Variants in ACTR3C observed in about 807,000 individuals in gnomAD.
The protein encoded by ACTR3C is actin related protein 3C.
Under a neutral mutation model 26.3 loss-of-function variants are expected in ACTR3C, and 18 were observed. The observed-to-expected ratio is 0.68, with a 90% CI of 0.47 to 1.01. The LOEUF (loss-of-function observed/expected upper bound fraction) is 1.01, where lower values mean the gene tolerates loss of function less well. ACTR3C is among the 50% of genes least tolerant of loss of function. The probability of loss-of-function intolerance (pLI) is 0.00; values close to 1 mark genes in which losing one functional copy is unlikely to be tolerated. For missense variants in ACTR3C, 184 were observed against 250.7 expected (o/e 0.73, Z 1.80); for synonymous variants, 55 against 94.5 (o/e 0.58, Z 2.42).
At chr7:150,237,658 C>A in the ACTR3C span, among the ~76,000 whole-genome samples, 1 of 152,158 alleles carries the variant, frequency 6.6e-6, no homozygotes, top group Admixed American at 6.5e-5. Context: ...GAATCCACGG[C>A]AGCATTTGCG....
the ACTR3C span, among the ~76,000 whole-genome samples, chr7:150,023,132 T>G: frequency 1.4e-5 from 2 of 143,640 alleles, no homozygotes; most frequent in African/African-American, 5.1e-5. Context: ...CATATCTATA[T>G]ACATATATAT....
chr7:150,070,022 C>T, the ACTR3C span, among the ~76,000 whole-genome samples: 1 of 152,176 alleles, frequency 6.6e-6, no homozygotes, highest in Admixed American at 6.5e-5. Flanking sequence ...TGGACGCCTT[C>T]CCAAGAACTG....
At chr7:150,190,917 T>G in the ACTR3C span, among the ~76,000 whole-genome samples, 1 of 152,108 alleles carries the variant, frequency 6.6e-6, no homozygotes, top group Admixed American at 6.6e-5. Flanking sequence ...AAGCCCCATA[T>G]AAAACCATCA....
the ACTR3C span, among the ~76,000 whole-genome samples, chr7:149,914,039 T>G: frequency 2.0e-5 from 3 of 151,752 alleles, no homozygotes; most frequent in African/African-American, 7.3e-5. Context: ...GCACATGCCA[T>G]CACACCCGGC....
chr7:149,963,283 T>C, the ACTR3C span, among the ~76,000 whole-genome samples: 3 of 152,132 alleles, frequency 2.0e-5, no homozygotes, highest in Non-Finnish European at 4.4e-5. Context: ...CTGCCCCAGG[T>C]TTAGAACAGC....
Position 150,277,652 on chromosome 7 carries a change from G to A in ACTR3C, c.564+7101C>T, listed in dbSNP as rs139046306. On this transcript the variant is annotated intron_variant, in intron 6 of 7. Coordinates refer to ENST00000683684, the MANE Select transcript of ACTR3C (RefSeq NM_001164458.2). ...GCTCCTGTATCTCCTGTCAGTAAAT[G>A]ACCCCCCACCCTCCTAGATAAGCAG... 2.3e-3 allele frequency among the ~76,000 whole-genome samples: 351 copies of A among 151,794 alleles called. 1 individual carries two copies. The highest frequency in any genetic ancestry group is 7.9e-3 in the African/African-American group (325 of 41,344).
chr7:150,174,527 G>T, the ACTR3C span, among the ~76,000 whole-genome samples: 1 of 137,436 alleles, frequency 7.3e-6, no homozygotes, highest in African/African-American at 3.3e-5. Context: ...TTTTCTTTTT[G>T]TCCTGTTCTA....
At chr7:150,276,963 AGGGTGTTTTGT>A (rs1369389583) in intron 6 of ACTR3C, among the ~76,000 whole-genome samples, 3 of 152,240 alleles carry the variant, frequency 2.0e-5, no homozygotes, top group African/African-American at 4.8e-5. Flanking sequence ...TGTTGCTGTC[AGGGTGTTTTGT>A]GGATGTGGTC....
the ACTR3C span, among the ~76,000 whole-genome samples, chr7:150,041,891 C>T: frequency 1.1e-3 from 154 of 135,048 alleles, 1 homozygote; most frequent in Middle Eastern, 8.8e-3. Context: ...CCCCCTCCTG[C>T]GATGGGGGTC....
chr7:150,252,983 C>T (rs1832956965), intron 6 of ACTR3C, among the ~76,000 whole-genome samples: 1 of 151,254 alleles, frequency 6.6e-6, no homozygotes, highest in African/African-American at 2.5e-5. Context: ...GCGGTAAGCC[C>T]TTCTTGACTC....
At chr7:150,242,412 G>A (rs1832240080), downstream of ACTR3C, among the ~76,000 whole-genome samples, 1 of 150,624 alleles carries the variant, frequency 6.6e-6, no homozygotes, top group South Asian at 2.1e-4. Context: ...GGGGCACAGG[G>A]AGCTTTTCGG....
chr7:150,155,374 C>A, the ACTR3C span, among the ~76,000 whole-genome samples: 1 of 151,956 alleles, frequency 6.6e-6, no homozygotes, highest in Non-Finnish European at 1.5e-5. Flanking sequence ...AAACCCAACA[C>A]TGGAAGATGC....
the ACTR3C span, among the ~76,000 whole-genome samples, chr7:150,103,592 A>T: frequency 6.6e-6 from 1 of 151,960 alleles, no homozygotes; most frequent in Non-Finnish European, 1.5e-5. Flanking sequence ...TATATAAGCA[A>T]GTACAATATT....
the ACTR3C span, among the ~76,000 whole-genome samples, chr7:149,986,335 G>T: frequency 6.6e-6 from 1 of 152,134 alleles, no homozygotes; most frequent in Non-Finnish European, 1.5e-5. Flanking sequence ...TTATGATAAG[G>T]GGTCTGATGT....
At chr7:150,228,903 G>GAAAC in the ACTR3C span, among the ~76,000 whole-genome samples, 1 of 149,878 alleles carries the variant, frequency 6.7e-6, no homozygotes, top group African/African-American at 2.5e-5. Context: ...TATATAGAGA[G>GAAAC]AGTGTGTATC....
chr7:150,207,443 G>A, the ACTR3C span, among the ~76,000 whole-genome samples: 1 of 152,162 alleles, frequency 6.6e-6, no homozygotes, highest in African/African-American at 2.4e-5. Context: ...ATTCAGCATT[G>A]GATAAATTAA....
the ACTR3C span, among the ~76,000 whole-genome samples, chr7:150,197,869 C>T: frequency 6.7e-6 from 1 of 149,968 alleles, no homozygotes; most frequent in Non-Finnish European, 1.5e-5. Context: ...CCCCTCTCCC[C>T]TCTCCCCTCT....
At chr7:150,045,914 C>G in the ACTR3C span, among the ~76,000 whole-genome samples, 1 of 152,118 alleles carries the variant, frequency 6.6e-6, no homozygotes, top group African/African-American at 2.4e-5. Context: ...TACATTTTTC[C>G]TGTTTGCATT....
chr7:150,163,360 GTGTGTATA>G, the ACTR3C span, among the ~76,000 whole-genome samples: 1 of 133,626 alleles, frequency 7.5e-6, no homozygotes, highest in Non-Finnish European at 1.5e-5. Context: ...CCTTGTGTGT[GTGTGTATA>G]TATATATATG....
Sources: gnomAD v4.1 joint callset for allele counts (sites outside exome capture counted in the v4.1 genomes callset) on GRCh38, gnomAD v4.1.1 for gene constraint, MANE v1.5 for transcripts, NCBI Gene and HGNC (gene_info 2026-07-23, HGNC 2026-07-21) for gene names.